NAPA: variants seen among roughly 807,000 people sequenced by gnomAD.
NAPA encodes the protein alpha-soluble NSF attachment protein.
Under a neutral mutation model 48.0 loss-of-function variants are expected in NAPA, and 18 were observed. The observed-to-expected ratio is 0.38, with a 90% CI of 0.26 to 0.56. The LOEUF is 0.56. Among genes scored for constraint, NAPA ranks in the 20% least tolerant of loss-of-function variants. The pLI is 0.77. For synonymous variants in NAPA, 152 were observed against 149.9 expected, an observed-to-expected ratio of 1.01 and a Z score of -0.10; for missense variants, 315 against 385.0, an observed-to-expected ratio of 0.82 and a Z score of 1.52.
intron 9 of NAPA, among the ~76,000 whole-genome samples, chr19:47,490,356 CTGTGTGTGGTG>C (rs925478630): frequency 6.8e-5 from 8 of 118,474 alleles, no homozygotes; most frequent in Admixed American, 1.7e-4. Flanking sequence ...GATGTGTTTG[CTGTGTGTGGTG>C]TGTGTGTAGT....
chr19:47,488,022 A>C lies in NAPA; in HGVS notation c.*266T>G. The C allele has an allele frequency of 2.3e-4, 76 of 336,426 alleles. No individual in the cohort carries two copies. Among genetic ancestry groups the C allele is most frequent in the Middle Eastern group, 8.8e-4 (1 of 1,136 alleles). The allele number at this position is 336,426 out of a possible 1,614,324, so 20.8% of individuals were successfully genotyped here. A position where few individuals can be genotyped will look rare whatever the true frequency, so the allele number is the denominator to read the frequency against. On this transcript the variant is annotated 3_prime_UTR_variant, in exon 11 of 11. Transcript: ENST00000263354. ...AATAGGTCTGTATCAAAGATTCTGTACAGCTGGTTTTGGGGGTGAAGGGCA... is the reference window on the plus strand; with the variant it reads ...AATAGGTCTGTATCAAAGATTCTGTCCAGCTGGTTTTGGGGGTGAAGGGCA...
chr19:47,502,374 A>G (rs1194541254), intron 2 of NAPA, among the ~76,000 whole-genome samples: 2 of 152,028 alleles, frequency 1.3e-5, no homozygotes, highest in Non-Finnish European at 2.9e-5. Flanking sequence ...CACCTATGTA[A>G]TTAAAAAATA....
intron 1 of NAPA, among the ~76,000 whole-genome samples, chr19:47,513,300 G>C (rs908722751): frequency 6.6e-6 from 1 of 152,040 alleles, no homozygotes; most frequent in East Asian, 1.9e-4. Context: ...CTCTCCGCTC[G>C]GGCGTCCACC....
intron 2 of NAPA, among the ~76,000 whole-genome samples, chr19:47,502,170 G>A (rs967084826): frequency 2.7e-5 from 4 of 148,792 alleles, no homozygotes; most frequent in African/African-American, 9.9e-5. Context: ...GAACCAGGGA[G>A]GCGGAGGTTG....
At position 47,496,860 on chromosome 19, in the gene NAPA, G is replaced by A. The variant is rs73940867; in HGVS notation, c.296-1264C>T. ...GGGTCCATAAGCACTCCTCTGGGGA[G>A]TGGGGTCTGTAGGTTTTGTCCAATT... On this transcript the variant is annotated intron_variant, in intron 3 of 10. Transcript: ENST00000263354. The A allele has an allele frequency of 2.3e-3, 1,069 of 456,144 alleles. 9 individuals carry two copies. The highest frequency in any genetic ancestry group is 0.019 in the African/African-American group (936 of 50,140). 28.3% of individuals were successfully genotyped at this position (456,144 alleles called of 1,614,324 possible).
At chr19:47,491,370 GGT>G (rs911829282) in intron 8 of NAPA, 13 of 158,008 alleles carry the variant, frequency 8.2e-5, no homozygotes, top group South Asian at 5.5e-4. Flanking sequence ...GGCTCTGTGG[GGT>G]GTGTGTGTGT....
chr19:47,496,958 G>C, intron 3 of NAPA: 1 of 387,138 alleles, frequency 2.6e-6, no homozygotes, highest in Non-Finnish European at 5.3e-6. Context: ...AGGGCTGACA[G>C]ACCGAGACTG....
At chr19:47,494,611 G>T (rs535659389) in intron 4 of NAPA, among the ~76,000 whole-genome samples, 6 of 151,890 alleles carry the variant, frequency 4.0e-5, no homozygotes, top group African/African-American at 1.5e-4. Context: ...GGTAGCACAC[G>T]CCTGTAATCC....
intron 3 of NAPA, 45 bp downstream of exon 3, chr19:47,500,588 T>G: frequency 6.6e-7 from 1 of 1,511,456 alleles, no homozygotes; most frequent in African/African-American, 1.4e-5. Flanking sequence ...GGTGCTAGGA[T>G]GGCGCTCCGG....
chr19:47,496,372 T>C (rs536637962), intron 3 of NAPA: 126 of 152,844 alleles, frequency 8.2e-4, no homozygotes, highest in Non-Finnish European at 1.6e-3. Flanking sequence ...GATTTTAAAT[T>C]TGGGAAAGGC....
chr19:47,513,222 G>A (rs1383883143), intron 1 of NAPA, among the ~76,000 whole-genome samples: 1 of 151,934 alleles, frequency 6.6e-6, no homozygotes, highest in Non-Finnish European at 1.5e-5. Context: ...TCCCTTTTCT[G>A]TTCCCTTTCA....
intron 1 of NAPA, among the ~76,000 whole-genome samples, 153 bp from the exon 2 acceptor site, chr19:47,503,655 C>T (rs1380872829): frequency 6.6e-6 from 1 of 152,196 alleles, no homozygotes; most frequent in Non-Finnish European, 1.5e-5. Flanking sequence ...GTCTGTGGCC[C>T]CCGCCCCTGC....
chr19:47,513,498 GAAGT>G (rs1968843514), intron 1 of NAPA, among the ~76,000 whole-genome samples: 2 of 152,230 alleles, frequency 1.3e-5, no homozygotes, highest in South Asian at 4.1e-4. Context: ...CCAAAGTCAT[GAAGT>G]AAGTGGCAGA....
intron 1 of NAPA, 32 bp from the exon 2 acceptor site, chr19:47,503,534 A>C: frequency 6.3e-7 from 1 of 1,595,998 alleles, no homozygotes; most frequent in Non-Finnish European, 8.6e-7. Flanking sequence ...AAAGGAGACA[A>C]TCTAGTCGGC....
At chr19:47,495,490 C>T (rs1248608998) in intron 4 of NAPA, 60 bp downstream of exon 4, 20 of 1,540,156 alleles carry the variant, frequency 1.3e-5, no homozygotes, top group Middle Eastern at 1.7e-4. Flanking sequence ...AAAGAGGGGA[C>T]GCAAGGCTGG....
At chr19:47,490,416 GGT>G (rs772402817) in intron 9 of NAPA, among the ~76,000 whole-genome samples, 14 of 142,398 alleles carry the variant, frequency 9.8e-5, no homozygotes, top group Non-Finnish European at 2.0e-4. Flanking sequence ...TGTAGCGTGT[GGT>G]GTGATGTGTG....
In NAPA at chr19:47,492,128, A is replaced by G. The variant is rs981175115; in HGVS notation, c.562-9T>C. 1.2e-6 allele frequency: 2 copies of G among 1,612,132 alleles called. No individual in the cohort carries two copies. Among genetic ancestry groups the G allele is most frequent in the African/African-American group, 1.3e-5 (1 of 75,012 alleles). ...ATGGCATTGGTCCCCACCTGTAGCC[A>G]TGGAGAAGTGGCACTGGTGAGCTCA... On this transcript the variant is annotated splice_polypyrimidine_tract_variant and intron_variant, in intron 7 of 10. Coordinates refer to ENST00000263354, the MANE Select transcript of NAPA (RefSeq NM_003827.4).
In NAPA at chr19:47,493,204, G is replaced by A; in HGVS notation, c.421-30C>T. Reference sequence around the variant, plus strand: ...GGAGACACGGGGGATGGGTTCCAGGGGAGGGCAGGGAAGGGAGAGGAGGCC... The same window carrying A: ...GGAGACACGGGGGATGGGTTCCAGGAGAGGGCAGGGAAGGGAGAGGAGGCC... On this transcript the variant is annotated intron_variant, in intron 5 of 10. Coordinates refer to ENST00000263354, the MANE Select transcript of NAPA (RefSeq NM_003827.4). The surrounding 1 kb of genome is among the most constrained non-coding windows in gnomAD (Gnocchi z 6.4). 1.3e-6 allele frequency: 2 copies of A among 1,566,852 alleles called. No individual in the cohort carries two copies. The highest frequency in any genetic ancestry group is 2.7e-5 in the African/African-American group (2 of 74,210).
At chr19:47,499,535 C>T (rs1433109847) in intron 3 of NAPA, among the ~76,000 whole-genome samples, 6 of 152,252 alleles carry the variant, frequency 3.9e-5, no homozygotes, top group African/African-American at 1.4e-4. Context: ...GCCCCATGGC[C>T]CACCCAGTTA....
Sources: allele counts gnomAD v4.1 joint callset (sites outside exome capture counted in the v4.1 genomes callset), GRCh38; gene constraint gnomAD v4.1.1; non-coding constraint Gnocchi (gnomAD v3.1); transcripts MANE v1.5; gene names NCBI Gene and HGNC (gene_info 2026-07-23, HGNC 2026-07-21).